Variants in CNTN4 observed in about 807,000 individuals in gnomAD.
CNTN4 encodes the protein contactin 4.
A neutral mutation model predicts 122.5 loss-of-function variants in CNTN4; 77 were observed. The observed-to-expected ratio is 0.63, with a 90% CI of 0.52 to 0.76. CNTN4 has a LOEUF of 0.76. CNTN4 is among the 30% of genes least tolerant of loss of function. CNTN4 has a pLI of 0.00. For missense variants in CNTN4, 1,256 were observed against 1,259.1 expected (o/e 1.00, Z 0.04); for synonymous variants, 512 against 447.0 (o/e 1.15, Z -1.83).
chr3:2,746,017 G>C (rs57809826), intron 6 of CNTN4, among the ~76,000 whole-genome samples: 86 of 33,570 alleles, frequency 2.6e-3, no homozygotes, highest in African/African-American at 6.7e-3. Context: ...CAACAAATTT[G>C]ACACCCACAC....
intron 4 of CNTN4, among the ~76,000 whole-genome samples, chr3:2,695,608 G>T (rs9820871): frequency 6.6e-6 from 1 of 152,142 alleles, no homozygotes; most frequent in African/African-American, 2.4e-5. Context: ...GATATTGGGG[G>T]TTGTGGGGAA....
At chr3:2,541,331 A>G (rs1055736205) in intron 3 of CNTN4, among the ~76,000 whole-genome samples, 6 of 152,114 alleles carry the variant, frequency 3.9e-5, no homozygotes, top group African/African-American at 1.4e-4. Context: ...ACAATATTAA[A>G]GCATATAGTC....
At chr3:2,496,427 C>A (rs1014084710) in intron 3 of CNTN4, among the ~76,000 whole-genome samples, 6 of 152,132 alleles carry the variant, frequency 3.9e-5, no homozygotes, top group Admixed American at 3.9e-4. Flanking sequence ...ATGTAACAGT[C>A]TGATACAAAT....
intron 2 of CNTN4, among the ~76,000 whole-genome samples, chr3:2,260,723 T>C (rs2040800866): frequency 2.1e-5 from 2 of 94,272 alleles, no homozygotes; most frequent in South Asian, 8.3e-4. Context: ...CTTTTTATTT[T>C]ATTTATTTAT....
At chr3:2,579,553 A>G (rs901376166) in intron 4 of CNTN4, among the ~76,000 whole-genome samples, 1 of 152,048 alleles carries the variant, frequency 6.6e-6, no homozygotes, top group Non-Finnish European at 1.5e-5. Context: ...TTTTATCTGT[A>G]AAACAGGCAA....
At chr3:2,227,570 T>C (rs1418483742) in intron 2 of CNTN4, among the ~76,000 whole-genome samples, 1 of 152,198 alleles carries the variant, frequency 6.6e-6, no homozygotes, top group Non-Finnish European at 1.5e-5. Flanking sequence ...ATCTTCTCTC[T>C]CTCTGCACTT....
chr3:2,529,924 G>T (rs2077535010), intron 3 of CNTN4, among the ~76,000 whole-genome samples: 1 of 152,044 alleles, frequency 6.6e-6, no homozygotes, highest in Non-Finnish European at 1.5e-5. Flanking sequence ...CTATTTTCTT[G>T]GCCCTAGTGC....
chr3:2,627,884 A>G (rs1172789136), intron 4 of CNTN4, among the ~76,000 whole-genome samples: 1 of 152,234 alleles, frequency 6.6e-6, no homozygotes, highest in Non-Finnish European at 1.5e-5. Context: ...AACATTTAAC[A>G]TACTTTAATT....
At chr3:2,558,282 G>A (rs926623509) in intron 3 of CNTN4, among the ~76,000 whole-genome samples, 3 of 152,036 alleles carry the variant, frequency 2.0e-5, no homozygotes, top group African/African-American at 7.2e-5. Context: ...ACCTTATTAG[G>A]GGTTTACCAG....
At chr3:2,657,035 T>G (rs1029693722) in intron 4 of CNTN4, among the ~76,000 whole-genome samples, 5 of 152,196 alleles carry the variant, frequency 3.3e-5, no homozygotes, top group Admixed American at 1.3e-4. Context: ...CACTCCTACT[T>G]GGCAATAAAA....
chr3:2,793,884 A>T (rs2728094), intron 6 of CNTN4, among the ~76,000 whole-genome samples: 150,006 of 152,300 alleles, frequency 0.98, 73,913 homozygotes, highest in East Asian at 1. Context: ...TTCCTATGAA[A>T]GAATCTTTGA....
chr3:2,298,295 A>G (rs1321117181), intron 2 of CNTN4, among the ~76,000 whole-genome samples: 1 of 151,980 alleles, frequency 6.6e-6, no homozygotes, highest in Non-Finnish European at 1.5e-5. Context: ...TTTTTTCTTG[A>G]AATTTAACAG....
chr3:2,290,763 G>A (rs915756921), intron 2 of CNTN4, among the ~76,000 whole-genome samples: 2 of 152,102 alleles, frequency 1.3e-5, no homozygotes, highest in African/African-American at 4.8e-5. Flanking sequence ...ATACTGCTGG[G>A]GTCTTTGGAT....
chr3:2,378,356 G>C (rs1036606169), intron 3 of CNTN4, among the ~76,000 whole-genome samples: 6 of 152,150 alleles, frequency 3.9e-5, no homozygotes, highest in African/African-American at 1.4e-4. Flanking sequence ...ATAGCAGCTT[G>C]TGAGAGGACA....
intron 2 of CNTN4, among the ~76,000 whole-genome samples, chr3:2,122,963 G>A (rs1046078300): frequency 1.3e-5 from 2 of 152,148 alleles, no homozygotes; most frequent in African/African-American, 4.8e-5. Context: ...GTTATATTAT[G>A]AGACATTGGG....
At chr3:2,438,917 T>G (rs1309856455) in intron 3 of CNTN4, among the ~76,000 whole-genome samples, 1 of 152,158 alleles carries the variant, frequency 6.6e-6, no homozygotes, top group Non-Finnish European at 1.5e-5. Flanking sequence ...TACTGTATCT[T>G]CAATTCTACT....
At chr3:2,325,104 G>A (rs547283454) in intron 2 of CNTN4, among the ~76,000 whole-genome samples, 3 of 152,282 alleles carry the variant, frequency 2.0e-5, no homozygotes, top group Admixed American at 2.0e-4. Context: ...TACTAAGAAG[G>A]TATTTGCCTT....
intron 3 of CNTN4, among the ~76,000 whole-genome samples, chr3:2,374,588 C>T (rs1575490661): frequency 6.6e-6 from 1 of 151,950 alleles, no homozygotes; most frequent in South Asian, 2.1e-4. Context: ...GAAGTAGGGA[C>T]ATCATGCATT....
At chr3:3,031,539 C>A (rs1482694945) in intron 16 of CNTN4, among the ~76,000 whole-genome samples, 2 of 152,018 alleles carry the variant, frequency 1.3e-5, no homozygotes, top group African/African-American at 4.8e-5. Context: ...TTTTGAGATT[C>A]TCTTGAATAT....
Sources: gnomAD v4.1 joint callset for allele counts (sites outside exome capture counted in the v4.1 genomes callset) on GRCh38, gnomAD v4.1.1 for gene constraint, MANE v1.5 for transcripts, NCBI Gene and HGNC (gene_info 2026-07-23, HGNC 2026-07-21) for gene names.